Variants in FRMD4A observed in about 807,000 individuals in gnomAD.
FRMD4A encodes FERM domain-containing protein 4A.
FRMD4A carries 29 observed loss-of-function variants against 129.1 expected under a neutral mutation model. The ratio of observed to expected loss-of-function variants is 0.22; its 90% CI spans 0.17 to 0.31. The LOEUF is 0.31. FRMD4A is among the 10% of genes least tolerant of loss of function. The pLI, the probability that FRMD4A is intolerant of heterozygous loss-of-function variation, is 1.00. For synonymous variants in FRMD4A, 634 were observed against 571.6 expected (o/e 1.11, Z -1.56); for missense variants, 1,272 against 1,375.8 (o/e 0.92, Z 1.19).
Position 13,915,919 on chromosome 10 carries a change from G to A in FRMD4A, c.46-57007C>T, listed in dbSNP as rs377105426. ...CTTGGAGTCAGGGACCAGGCACGGC[G>A]AACAAAGAGCTCCAGTTGGGGGGTT... On this transcript the variant is annotated intron_variant, in intron 2 of 24. Transcript: ENST00000357447. Among the ~76,000 whole-genome samples the A allele has an allele frequency of 5.4e-4, 82 of 152,254 alleles. 1 individual carries two copies. The highest frequency in any genetic ancestry group is 3.4e-3 in the Middle Eastern group (1 of 294).
intron 8 of FRMD4A, among the ~76,000 whole-genome samples, chr10:13,755,572 C>T (rs1469058814): frequency 2.0e-5 from 3 of 152,194 alleles, no homozygotes; most frequent in Non-Finnish European, 4.4e-5. Context: ...AATACTCCAA[C>T]TCCTCTTCTA....
chr10:14,092,142 C>G (rs1383118639), intron 2 of FRMD4A, among the ~76,000 whole-genome samples: 1 of 152,168 alleles, frequency 6.6e-6, no homozygotes, highest in Non-Finnish European at 1.5e-5. Flanking sequence ...TGAGTGGTCC[C>G]AAGCTTCACA....
intron 2 of FRMD4A, among the ~76,000 whole-genome samples, chr10:14,223,428 T>C (rs1843327530): frequency 6.6e-6 from 1 of 152,064 alleles, no homozygotes. Flanking sequence ...GCATTTTCTT[T>C]GGAGTTCTTG....
chr10:14,012,484 A>C (rs889137990), intron 2 of FRMD4A, among the ~76,000 whole-genome samples: 1 of 152,138 alleles, frequency 6.6e-6, no homozygotes, highest in African/African-American at 2.4e-5. Flanking sequence ...CACGAACAGC[A>C]GGGTGTGAAA....
chr10:14,072,571 C>T (rs115269215), intron 2 of FRMD4A, among the ~76,000 whole-genome samples: 1,759 of 152,304 alleles, frequency 0.012, 44 homozygotes, highest in African/African-American at 0.04. Context: ...CCATCCAGAA[C>T]TGTGATGCAT....
intron 2 of FRMD4A, among the ~76,000 whole-genome samples, chr10:14,039,407 CATCT>C (rs1265069563): frequency 0.13 from 18,994 of 147,714 alleles, 1,379 homozygotes; most frequent in African/African-American, 0.16. Context: ...TCCATCCATC[CATCT>C]ATCTATCTAT....
At chr10:14,320,797 A>C (rs953958384) in intron 2 of FRMD4A, among the ~76,000 whole-genome samples, 4 of 152,204 alleles carry the variant, frequency 2.6e-5, no homozygotes, top group African/African-American at 7.2e-5. Context: ...TCATTACCAA[A>C]TATATCGAGA....
chr10:13,679,474 T>TATATATATATATACACACACACACACAC (rs1308155926), intron 15 of FRMD4A, among the ~76,000 whole-genome samples: 1 of 31,468 alleles, frequency 3.2e-5, no homozygotes, highest in African/African-American at 1.3e-4. Context: ...TATATATATA[T>TATATATATATATACACACACACACACAC]ACACACACAC....
In FRMD4A at chr10:13,687,033, G is replaced by A. The variant is rs145082794; in HGVS notation, c.1117+6865C>T. Among the ~76,000 whole-genome samples, 524 of 152,244 alleles carry A rather than the reference G, an allele frequency of 3.4e-3. 3 individuals are homozygous for A. Among genetic ancestry groups the A allele is most frequent in the African/African-American group, 0.012 (479 of 41,558 alleles). On this transcript the variant is annotated intron_variant, in intron 15 of 24. Transcript: ENST00000357447. ...TGGCCAGGTGTGGTGGCTCAAGCCT[G>A]TAATCCCAGCATGTTGGGAGGCCGA...
intron 2 of FRMD4A, among the ~76,000 whole-genome samples, chr10:14,002,930 CA>C (rs2095647764): frequency 3.9e-5 from 6 of 152,090 alleles, no homozygotes; most frequent in African/African-American, 1.5e-4. Context: ...CATGTCCACG[CA>C]TGGTTGGAAT....
chr10:13,750,116 G>GAAAGAAAGAAAT (rs2091533533), intron 8 of FRMD4A, among the ~76,000 whole-genome samples: 6 of 120,878 alleles, frequency 5.0e-5, no homozygotes, highest in African/African-American at 1.8e-4. Context: ...AATGAAGAAA[G>GAAAGAAAGAAAT]AAAGAAAGAA....
chr10:13,986,415 A>G (rs1013186103), intron 2 of FRMD4A, among the ~76,000 whole-genome samples: 1 of 148,502 alleles, frequency 6.7e-6, no homozygotes, highest in African/African-American at 2.5e-5. Context: ...CCAAACGCTA[A>G]ATGTTCTCAC....
At chr10:13,802,515 A>G (rs1357621790) in intron 4 of FRMD4A, among the ~76,000 whole-genome samples, 2 of 152,186 alleles carry the variant, frequency 1.3e-5, no homozygotes, top group Non-Finnish European at 2.9e-5. Flanking sequence ...GCAGTGGTGC[A>G]ATCATAGCTC....
chr10:13,936,450 A>T (rs1256124665), intron 2 of FRMD4A, among the ~76,000 whole-genome samples: 1 of 152,126 alleles, frequency 6.6e-6, no homozygotes. Context: ...CTCAATCCCA[A>T]GGTGATGATA....
At chr10:14,034,415 A>G (rs1261211577) in intron 2 of FRMD4A, among the ~76,000 whole-genome samples, 1 of 152,190 alleles carries the variant, frequency 6.6e-6, no homozygotes, top group Non-Finnish European at 1.5e-5. Context: ...GAGTTCCAGA[A>G]CTTAGAAGAA....
chr10:14,118,527 G>A (rs148505861), intron 2 of FRMD4A, among the ~76,000 whole-genome samples: 24 of 152,182 alleles, frequency 1.6e-4, no homozygotes, highest in African/African-American at 5.5e-4. Flanking sequence ...GGCTATATTC[G>A]GCTGTTCTCA....
chr10:13,682,757 C>T (rs908253300), intron 15 of FRMD4A, among the ~76,000 whole-genome samples: 14 of 152,256 alleles, frequency 9.2e-5, no homozygotes, highest in African/African-American at 3.4e-4. Context: ...ATCCACCTGC[C>T]TCGGCCTCCC....
intron 11 of FRMD4A, 126 bp from the exon 12 acceptor site, chr10:13,738,056 C>T (rs1175847873): frequency 1.5e-6 from 1 of 656,374 alleles, no homozygotes; most frequent in South Asian, 1.8e-5. Flanking sequence ...ATGGAGCCCA[C>T]CTGTCTACTT....
chr10:13,916,212 G>A (rs1253921564), intron 2 of FRMD4A, among the ~76,000 whole-genome samples: 3 of 152,176 alleles, frequency 2.0e-5, no homozygotes, highest in Non-Finnish European at 4.4e-5. Flanking sequence ...CACCAGGGAA[G>A]GGTCTCAGGG....
Sources: allele counts gnomAD v4.1 joint callset (sites outside exome capture counted in the v4.1 genomes callset), GRCh38; gene constraint gnomAD v4.1.1; transcripts MANE v1.5; gene names NCBI Gene and HGNC (gene_info 2026-07-23, HGNC 2026-07-21).